Variants in RALGPS2 observed in about 807,000 individuals in gnomAD.
RALGPS2 encodes Ral GEF with PH domain and SH3 binding motif 2.
In RALGPS2, 43 loss-of-function variants were observed where a neutral mutation model predicts 86.8. That is an observed-to-expected ratio of 0.50 (90% CI 0.39 to 0.64). The LOEUF (loss-of-function observed/expected upper bound fraction) is 0.64, where lower values mean the gene tolerates loss of function less well. RALGPS2 is among the 30% of genes least tolerant of loss of function. The probability of loss-of-function intolerance (pLI) is 0.00; values close to 1 mark genes in which losing one functional copy is unlikely to be tolerated. For missense variants in RALGPS2, 536 were observed against 694.6 expected (o/e 0.77, Z 2.57); for synonymous variants, 243 against 231.3 (o/e 1.05, Z -0.46).
intron 1 of RALGPS2, among the ~76,000 whole-genome samples, chr1:178,766,844 A>C (rs767743869): frequency 2.0e-5 from 3 of 152,218 alleles, no homozygotes; most frequent in Admixed American, 1.3e-4. Flanking sequence ...ATGTTTTCCA[A>C]GTTGCCTGCT....
intron 6 of RALGPS2, among the ~76,000 whole-genome samples, chr1:178,817,348 A>G (rs1247897306): frequency 0.028 from 2 of 72 alleles, no homozygotes; most frequent in African/African-American, 0.14. Flanking sequence ...CTCAATTTAA[A>G]AAAAAAAAAA....
At chr1:178,907,048 C>T (rs143683820) in intron 19 of RALGPS2, among the ~76,000 whole-genome samples, 181 bp downstream of exon 19, 12 of 152,288 alleles carry the variant, frequency 7.9e-5, no homozygotes, top group African/African-American at 2.9e-4. Flanking sequence ...AGACAGTAAT[C>T]ATGCAAACAA....
At chr1:178,877,405 A>T in intron 8 of RALGPS2, 93 bp from the exon 9 acceptor site, 1 of 1,531,354 alleles carries the variant, frequency 6.5e-7, no homozygotes, top group Non-Finnish European at 8.8e-7. Context: ...GTACAGTGGA[A>T]TATATCTATA....
At chr1:178,803,941 G>C (rs1286901680) in intron 4 of RALGPS2, among the ~76,000 whole-genome samples, 1 of 152,090 alleles carries the variant, frequency 6.6e-6, no homozygotes, top group Non-Finnish European at 1.5e-5. Flanking sequence ...TCTGCCTCCA[G>C]AGTATCTTGA....
In RALGPS2 at chr1:178,725,296, C is replaced by G. The variant is rs1649901522; in HGVS notation, c.-207C>G. 5.9e-6 allele frequency: 1 copy of G among 169,384 alleles called. No homozygotes were observed. Among genetic ancestry groups the G allele is most frequent in the African/African-American group, 2.5e-5 (1 of 40,218 alleles). The allele number at this position is 169,384 out of a possible 1,614,324, so 10.5% of individuals were successfully genotyped here. Reference sequence around the variant, plus strand: ...GCGGCGGCGGCGGCTGCTGCGGGCGCTGAATGAGAGACGGTGACTGTTCGG... The same window carrying G: ...GCGGCGGCGGCGGCTGCTGCGGGCGGTGAATGAGAGACGGTGACTGTTCGG... On this transcript the variant is annotated 5_prime_UTR_variant, in exon 1 of 20. Coordinates refer to ENST00000367635, the MANE Select transcript of RALGPS2 (RefSeq NM_152663.5).
At chr1:178,817,718 TAAC>T (rs771057512) in intron 6 of RALGPS2, among the ~76,000 whole-genome samples, 6 of 152,246 alleles carry the variant, frequency 3.9e-5, no homozygotes, top group Admixed American at 6.5e-5. Context: ...GAAGAATTGA[TAAC>T]AACATTAAGA....
chr1:178,750,265 T>C (rs752372463), intron 1 of RALGPS2, among the ~76,000 whole-genome samples: 4 of 152,254 alleles, frequency 2.6e-5, no homozygotes, highest in Non-Finnish European at 4.4e-5. Flanking sequence ...TATTCAGTTC[T>C]GCTTTTGGAG....
At chr1:178,870,977 G>T (rs1658721585) in intron 8 of RALGPS2, 1 of 152,156 alleles carries the variant, frequency 6.6e-6, no homozygotes, top group African/African-American at 2.4e-5. Flanking sequence ...TGGTCTGTGG[G>T]CCGTCTTTAA....
At chr1:178,737,667 T>G (rs1461990098) in intron 1 of RALGPS2, among the ~76,000 whole-genome samples, 2 of 152,272 alleles carry the variant, frequency 1.3e-5, no homozygotes, top group African/African-American at 4.8e-5. Context: ...TTCTAGTATT[T>G]TTATGGCTTA....
chr1:178,732,408 C>G (rs1253970110), intron 1 of RALGPS2, among the ~76,000 whole-genome samples: 6 of 152,150 alleles, frequency 3.9e-5, no homozygotes, highest in African/African-American at 1.4e-4. Context: ...AGGTGGTTCT[C>G]CTGCCTCAGC....
intron 1 of RALGPS2, among the ~76,000 whole-genome samples, chr1:178,731,509 C>A (rs1650361237): frequency 6.6e-6 from 1 of 151,968 alleles, no homozygotes; most frequent in East Asian, 1.9e-4. Context: ...TCTCAAACTC[C>A]TGACCTCAAG....
At chr1:178,838,366 C>T (rs1656393024) in intron 8 of RALGPS2, among the ~76,000 whole-genome samples, 1 of 152,220 alleles carries the variant, frequency 6.6e-6, no homozygotes, top group Admixed American at 6.5e-5. Flanking sequence ...TGCTGTTCAG[C>T]AATATTCACT....
At chr1:178,758,684 T>C (rs1652073938) in intron 1 of RALGPS2, among the ~76,000 whole-genome samples, 1 of 152,168 alleles carries the variant, frequency 6.6e-6, no homozygotes, top group Non-Finnish European at 1.5e-5. Flanking sequence ...CTTATTTCAC[T>C]TAACATGACC....
chr1:178,751,808 T>C (rs1486104217), intron 1 of RALGPS2, among the ~76,000 whole-genome samples: 1 of 152,208 alleles, frequency 6.6e-6, no homozygotes, highest in African/African-American at 2.4e-5. Flanking sequence ...ATCCTTCTGG[T>C]GAAATTAAAG....
intron 8 of RALGPS2, among the ~76,000 whole-genome samples, chr1:178,842,772 C>T (rs1656654859): frequency 1.3e-5 from 2 of 149,730 alleles, no homozygotes; most frequent in South Asian, 4.3e-4. Flanking sequence ...GGGCTAATAT[C>T]CAGAATCTAC....
intron 18 of RALGPS2, among the ~76,000 whole-genome samples, chr1:178,903,232 T>A (rs552252510): frequency 1.7e-4 from 26 of 152,198 alleles, no homozygotes; most frequent in Non-Finnish European, 1.5e-4. Flanking sequence ...ATCCCACTTT[T>A]ATGTTTCAGT....
chr1:178,824,433 G>A (rs1655652919), intron 7 of RALGPS2, among the ~76,000 whole-genome samples: 1 of 152,176 alleles, frequency 6.6e-6, no homozygotes, highest in Non-Finnish European at 1.5e-5. Flanking sequence ...AATGACAAGA[G>A]AATGAGGAAT....
At chr1:178,730,361 C>G (rs1403825806) in intron 1 of RALGPS2, among the ~76,000 whole-genome samples, 2 of 152,120 alleles carry the variant, frequency 1.3e-5, no homozygotes, top group African/African-American at 4.8e-5. Context: ...CCATGTCTTC[C>G]CAATATAGTC....
At chr1:178,861,187 T>C (rs1354368898) in intron 8 of RALGPS2, among the ~76,000 whole-genome samples, 1 of 152,214 alleles carries the variant, frequency 6.6e-6, no homozygotes, top group Non-Finnish European at 1.5e-5. Context: ...AATGTACTAA[T>C]TAGTATAGTA....
Sources: gnomAD v4.1 joint callset for allele counts (sites outside exome capture counted in the v4.1 genomes callset) on GRCh38, gnomAD v4.1.1 for gene constraint, MANE v1.5 for transcripts, NCBI Gene and HGNC (gene_info 2026-07-23, HGNC 2026-07-21) for gene names.